The following GRIN2A variants were observed in gnomAD, a reference collection of about 807,000 sequenced individuals.
GRIN2A encodes glutamate ionotropic receptor NMDA type subunit 2A, also known as glutamate receptor ionotropic, NMDA 2A.
GRIN2A carries 22 observed loss-of-function variants against 113.4 expected under a neutral mutation model. That is an observed-to-expected ratio of 0.19 (90% CI 0.14 to 0.28). The LOEUF is 0.28. Ranked by LOEUF, GRIN2A falls within the 10% of genes least tolerant of loss-of-function variation. GRIN2A has a pLI of 1.00. For missense variants in GRIN2A, 1,502 were observed against 1,887.0 expected (o/e 0.80, Z 3.78); for synonymous variants, 827 against 738.4 (o/e 1.12, Z -1.94).
chr16:10,094,764 T>C (rs541258406), intron 2 of GRIN2A, among the ~76,000 whole-genome samples: 10 of 151,462 alleles, frequency 6.6e-5, no homozygotes, highest in African/African-American at 2.4e-4. Flanking sequence ...AAGCATTTTT[T>C]AAAAGAGGAA....
Position 9,973,713 on chromosome 16 carries a change from A to T in GRIN2A, c.415-35162T>A, listed in dbSNP as rs540348498. ...TTATATATAGAGAACAATGATTCAA[A>T]TTTTTCACAGACTTAAGATTAGAAA... On this transcript the variant is annotated intron_variant, in intron 2 of 12. Coordinates refer to ENST00000330684, the MANE Select transcript of GRIN2A (RefSeq NM_001134407.3). Among the ~76,000 whole-genome samples, 19 of 152,296 alleles carry T rather than the reference A, an allele frequency of 1.2e-4. No homozygotes were observed. The South Asian group carries it at 3.9e-3, about 32-fold the overall frequency.
intron 12 of GRIN2A, among the ~76,000 whole-genome samples, chr16:9,767,452 G>T (rs1027647986): frequency 6.6e-6 from 1 of 151,848 alleles, no homozygotes; most frequent in East Asian, 1.9e-4. Flanking sequence ...TGTGCACAAC[G>T]TGCAGGTTTG....
intron 2 of GRIN2A, among the ~76,000 whole-genome samples, chr16:10,083,926 A>G (rs2048034437): frequency 6.6e-6 from 1 of 152,066 alleles, no homozygotes; most frequent in Admixed American, 6.6e-5. Context: ...ACATGGTGAA[A>G]CCCTGTCTCT....
intron 11 of GRIN2A, among the ~76,000 whole-genome samples, chr16:9,794,024 A>G (rs570227905): frequency 6.6e-6 from 1 of 152,314 alleles, no homozygotes; most frequent in Non-Finnish European, 1.5e-5. Context: ...TTTCTCAGTA[A>G]ATGTTGGGTA....
At chr16:9,943,431 T>C (rs2044938389) in intron 2 of GRIN2A, 1 of 152,206 alleles carries the variant, frequency 6.6e-6, no homozygotes, top group African/African-American at 2.4e-5. Context: ...GTCTAGAGCA[T>C]TCAATCCTGT....
At chr16:9,894,873 T>C (rs1370300971) in intron 3 of GRIN2A, among the ~76,000 whole-genome samples, 1 of 152,148 alleles carries the variant, frequency 6.6e-6, no homozygotes, top group African/African-American at 2.4e-5. Context: ...ATGCAGTCAT[T>C]CATCTATCCA....
At chr16:10,138,571 C>T (rs569357499) in intron 2 of GRIN2A, among the ~76,000 whole-genome samples, 2 of 152,234 alleles carry the variant, frequency 1.3e-5, no homozygotes, top group South Asian at 2.1e-4. Context: ...CACCTCCCAC[C>T]AGGCCCCTCC....
chr16:9,825,321 C>G (rs1477814800), intron 9 of GRIN2A, among the ~76,000 whole-genome samples: 2 of 152,204 alleles, frequency 1.3e-5, no homozygotes, highest in South Asian at 2.1e-4. Context: ...TCCTCTAATG[C>G]TTGGGATAGA....
At chr16:10,093,357 G>T (rs187247922) in intron 2 of GRIN2A, among the ~76,000 whole-genome samples, 26 of 152,270 alleles carry the variant, frequency 1.7e-4, no homozygotes, top group African/African-American at 5.5e-4. Context: ...CACATCCCAG[G>T]TGTGTGTCCT....
intron 2 of GRIN2A, among the ~76,000 whole-genome samples, chr16:9,995,305 G>T (rs1042939240): frequency 1.3e-5 from 2 of 152,186 alleles, no homozygotes; most frequent in Non-Finnish European, 2.9e-5. Flanking sequence ...AGCCAGATGT[G>T]GTCAAGAGAA....
At chr16:10,130,117 C>G (rs965203645) in intron 2 of GRIN2A, among the ~76,000 whole-genome samples, 2 of 152,158 alleles carry the variant, frequency 1.3e-5, no homozygotes, top group Non-Finnish European at 2.9e-5. Flanking sequence ...TGGGGACATG[C>G]TAAAGACAAT....
At chr16:10,113,035 C>G (rs2048649967) in intron 2 of GRIN2A, 1 of 275,452 alleles carries the variant, frequency 3.6e-6, no homozygotes, top group African/African-American at 2.2e-5. Flanking sequence ...CCTGAAGGCT[C>G]TGCAGCCCCT....
At chr16:9,833,116 T>C (rs1423730250) in intron 8 of GRIN2A, among the ~76,000 whole-genome samples, 1 of 152,186 alleles carries the variant, frequency 6.6e-6, no homozygotes, top group Non-Finnish European at 1.5e-5. Context: ...ATTTAGAAGG[T>C]AGTGCCCACT....
At chr16:9,812,993 G>A (rs1229488125) in intron 10 of GRIN2A, among the ~76,000 whole-genome samples, 1 of 152,222 alleles carries the variant, frequency 6.6e-6, no homozygotes, top group African/African-American at 2.4e-5. Context: ...CAAGATCAAA[G>A]CGTGCCTCAA....
chr16:10,131,219 T>G (rs1475120396), intron 2 of GRIN2A, among the ~76,000 whole-genome samples: 1 of 152,086 alleles, frequency 6.6e-6, no homozygotes, highest in Non-Finnish European at 1.5e-5. Flanking sequence ...CCGAGGCTAG[T>G]GGAGAACAGG....
intron 2 of GRIN2A, among the ~76,000 whole-genome samples, chr16:10,104,450 T>C (rs775624857): frequency 3.4e-4 from 51 of 152,166 alleles, no homozygotes; most frequent in Admixed American, 2.3e-3. Flanking sequence ...GTCCAATAAA[T>C]ACTACTAGAA....
chr16:9,908,372 G>GTTTT (rs1452999857), intron 3 of GRIN2A, among the ~76,000 whole-genome samples: 1 of 151,662 alleles, frequency 6.6e-6, no homozygotes, highest in Non-Finnish European at 1.5e-5. Flanking sequence ...GTTTTGTTTT[G>GTTTT]TTTTGTTTTT....
chr16:9,895,110 T>C lies in GRIN2A; in HGVS notation c.1008-4010A>G, dbSNP rs187822612. Among the ~76,000 whole-genome samples, 44 of 152,164 alleles carry C rather than the reference T, an allele frequency of 2.9e-4. 1 individual carries two copies. The highest frequency in any genetic ancestry group is 7.2e-4 in the Admixed American group (11 of 15,292). On this transcript the variant is annotated intron_variant, in intron 3 of 12. Coordinates refer to ENST00000330684, the MANE Select transcript of GRIN2A (RefSeq NM_001134407.3). ...ACCAAAAATACTTAATTTTTCAAGG[T>C]TGGGGAGAGGGACACACAAAATAAC...
At chr16:9,888,203 A>G (rs1481319190) in intron 4 of GRIN2A, among the ~76,000 whole-genome samples, 2 of 152,172 alleles carry the variant, frequency 1.3e-5, no homozygotes, top group Non-Finnish European at 2.9e-5. Flanking sequence ...GGCCTCCCAA[A>G]GTGTTGGAAT....
Sources: gnomAD v4.1 joint callset for allele counts (sites outside exome capture counted in the v4.1 genomes callset) on GRCh38, gnomAD v4.1.1 for gene constraint, MANE v1.5 for transcripts, NCBI Gene and HGNC (gene_info 2026-07-23, HGNC 2026-07-21) for gene names.